Variants in CYTH3 observed in about 807,000 individuals in gnomAD.
CYTH3 encodes the protein cytohesin 3, also known as cytohesin-3.
Under a neutral mutation model 55.1 loss-of-function variants are expected in CYTH3, and 23 were observed. The ratio of observed to expected loss-of-function variants is 0.42; its 90% confidence interval spans 0.30 to 0.59. The LOEUF is 0.59. Among genes scored for constraint, CYTH3 ranks in the 20% least tolerant of loss-of-function variants. CYTH3 has a pLI of 0.20. For missense variants in CYTH3, 413 were observed against 524.8 expected, an observed-to-expected ratio of 0.79 and a Z score of 2.08; for synonymous variants, 249 against 194.9, an observed-to-expected ratio of 1.28 and a Z score of -2.31.
intron 1 of CYTH3, among the ~76,000 whole-genome samples, chr7:6,235,062 A>C (rs1441144073): frequency 1.3e-5 from 2 of 152,132 alleles, no homozygotes; most frequent in Non-Finnish European, 2.9e-5. Context: ...CTCACTCCCC[A>C]AGAGCATCAT....
At chr7:6,222,267 T>A (rs758982479) in intron 1 of CYTH3, among the ~76,000 whole-genome samples, 3 of 152,172 alleles carry the variant, frequency 2.0e-5, no homozygotes, top group Non-Finnish European at 4.4e-5. Flanking sequence ...TAGGGCTTAG[T>A]CATTTTAAAA....
chr7:6,231,070 C>T (rs956936786), intron 1 of CYTH3, among the ~76,000 whole-genome samples: 1 of 152,178 alleles, frequency 6.6e-6, no homozygotes, highest in Non-Finnish European at 1.5e-5. Context: ...TCCCCTCTCA[C>T]CTGTACTAAC....
chr7:6,198,899 G>T (rs1159360364), intron 1 of CYTH3, among the ~76,000 whole-genome samples: 2 of 152,158 alleles, frequency 1.3e-5, no homozygotes, highest in African/African-American at 4.8e-5. Context: ...CGCTAGGAAA[G>T]GGTCCTTCAG....
intron 1 of CYTH3, among the ~76,000 whole-genome samples, chr7:6,216,253 C>T (rs1251782312): frequency 6.6e-6 from 1 of 152,006 alleles, no homozygotes; most frequent in East Asian, 1.9e-4. Context: ...TGTAAGATTA[C>T]AAATTGGAGA....
At chr7:6,223,115 C>T (rs1485089837) in intron 1 of CYTH3, among the ~76,000 whole-genome samples, 1 of 152,216 alleles carries the variant, frequency 6.6e-6, no homozygotes, top group Non-Finnish European at 1.5e-5. Context: ...TGCCTGGCTG[C>T]CCTTCGTCTG....
chr7:6,227,712 G>A (rs1171083072), intron 1 of CYTH3, among the ~76,000 whole-genome samples: 2 of 152,194 alleles, frequency 1.3e-5, no homozygotes, highest in South Asian at 4.1e-4. Context: ...CAATAATTAC[G>A]AAGTTTGTAT....
intron 1 of CYTH3, among the ~76,000 whole-genome samples, chr7:6,244,115 T>A (rs150053359): frequency 6.6e-6 from 1 of 152,216 alleles, no homozygotes; most frequent in African/African-American, 2.4e-5. Flanking sequence ...ACATACAGAA[T>A]TGCATCTTAT....
chr7:6,165,361 C>G lies in CYTH3; in HGVS notation c.1039G>C (p.Asp347His), dbSNP rs1447043436. Residue 347 changes from aspartate to histidine, a missense_variant, in exon 12 of 13, where the codon GAC becomes CAC. Around this residue, in one of 4 missense-constraint regions of CYTH3, gnomAD observed 98 missense variants for 115.2 expected, o/e 0.85. Coordinates refer to ENST00000350796, the MANE Select transcript of CYTH3 (RefSeq NM_004227.4). ...TGGTTCCCCTCTACCACGCGGCCGT[C>G]GGCCTCAGTCTTACAGGCCTTGATG... is the stretch of plus-strand genomic sequence containing the variant. ...QVIKACKTEA[D>H]GRVVEGNHVV... 1 of 1,614,070 alleles carries G rather than the reference C, an allele frequency of 6.2e-7. No homozygotes were observed. The highest frequency in any genetic ancestry group is 8.5e-7 in the Non-Finnish European group (1 of 1,180,030).
At chr7:6,229,299 AAC>A (rs1466466681) in intron 1 of CYTH3, among the ~76,000 whole-genome samples, 5 of 152,206 alleles carry the variant, frequency 3.3e-5, no homozygotes, top group African/African-American at 7.2e-5. Flanking sequence ...CTAGTTTAAA[AAC>A]AGTCTCTTTA....
chr7:6,234,196 G>A (rs1388481194), intron 1 of CYTH3, among the ~76,000 whole-genome samples: 4 of 152,182 alleles, frequency 2.6e-5, no homozygotes, highest in African/African-American at 9.7e-5. Context: ...CTTGTGAGGG[G>A]GACCTTCCCA....
chr7:6,219,105 A>T (rs1038452011), intron 1 of CYTH3, among the ~76,000 whole-genome samples: 4 of 152,148 alleles, frequency 2.6e-5, no homozygotes, highest in African/African-American at 9.7e-5. Context: ...CTACATCTTC[A>T]TAAGCACACC....
chr7:6,241,118 C>T (rs1171150294), intron 1 of CYTH3, among the ~76,000 whole-genome samples: 2 of 151,276 alleles, frequency 1.3e-5, no homozygotes, highest in Non-Finnish European at 2.9e-5. Flanking sequence ...TGAGACTCAT[C>T]TCAAAAAAAA....
At chr7:6,180,495 G>A (rs60141860) in intron 4 of CYTH3, among the ~76,000 whole-genome samples, 4,227 of 152,276 alleles carry the variant, frequency 0.028, 188 homozygotes, top group African/African-American at 0.097. Flanking sequence ...AGACCAGGAG[G>A]GTGGCAGCCG....
At chr7:6,243,252 C>G (rs1283283707) in intron 1 of CYTH3, among the ~76,000 whole-genome samples, 1 of 152,198 alleles carries the variant, frequency 6.6e-6, no homozygotes, top group African/African-American at 2.4e-5. Context: ...AAGAGCCCAG[C>G]GGGCTGGGCC....
intron 1 of CYTH3, among the ~76,000 whole-genome samples, chr7:6,204,736 C>CA (rs1784145229): frequency 6.6e-6 from 1 of 152,190 alleles, no homozygotes; most frequent in Admixed American, 6.5e-5. Context: ...CATGGCTCCC[C>CA]AATCAAATCA....
At position 6,172,696 on chromosome 7, in the gene CYTH3, G is replaced by GC. The variant is rs150566205; in HGVS notation, c.449+956dup. 1,041 of 1,090,772 alleles carry GC rather than the reference G, an allele frequency of 9.5e-4. 7 individuals carry two copies. The African/African-American group carries it at 0.015, about 15-fold the overall frequency. 67.6% of individuals were successfully genotyped at this position (1,090,772 alleles called of 1,614,324 possible). On this transcript the variant is annotated intron_variant, in intron 6 of 12. Transcript: ENST00000350796. ...GACTGAAAGAAATGGAGTCACAGCT[G>GC]CAAGGGCCGCACCAGACACCCCTCC...
intron 1 of CYTH3, among the ~76,000 whole-genome samples, chr7:6,246,575 A>T (rs1166198890): frequency 3.3e-5 from 5 of 151,974 alleles, no homozygotes; most frequent in Non-Finnish European, 5.9e-5. Flanking sequence ...ATTTTTTTTT[A>T]AAACCATACC....
chr7:6,206,249 G>A (rs1381486853), intron 1 of CYTH3, among the ~76,000 whole-genome samples: 1 of 152,180 alleles, frequency 6.6e-6, no homozygotes, highest in Non-Finnish European at 1.5e-5. Flanking sequence ...TGGTCTATAT[G>A]TACAATGGAA....
intron 9 of CYTH3, among the ~76,000 whole-genome samples, chr7:6,168,641 C>T (rs1158834047): frequency 6.6e-6 from 1 of 152,252 alleles, no homozygotes; most frequent in Non-Finnish European, 1.5e-5. Context: ...GGCCCCTGCG[C>T]TTGGCACCCG....
Sources: gnomAD v4.1 joint callset for allele counts (sites outside exome capture counted in the v4.1 genomes callset) on GRCh38, gnomAD v4.1.1 for gene constraint, gnomAD v4.1.1 regional missense constraint, MANE v1.5 for transcripts, NCBI Gene and HGNC (gene_info 2026-07-23, HGNC 2026-07-21) for gene names.